Variants in STRN3 observed in about 807,000 individuals in gnomAD.
STRN3 encodes striatin 3.
A neutral mutation model predicts 95.6 loss-of-function variants in STRN3; 29 were observed. The observed-to-expected ratio is 0.30, with a 90% CI of 0.23 to 0.41. The LOEUF is 0.41. Among genes scored for constraint, STRN3 ranks in the 10% least tolerant of loss-of-function variants. STRN3 has a pLI of 1.00. For missense variants in STRN3, 890 were observed against 972.1 expected, an observed-to-expected ratio of 0.92 and a Z score of 1.12; for synonymous variants, 331 against 357.6, an observed-to-expected ratio of 0.93 and a Z score of 0.84.
At chr14:30,902,905 G>A (rs1896363173) in intron 15 of STRN3, among the ~76,000 whole-genome samples, 2 of 152,030 alleles carry the variant, frequency 1.3e-5, no homozygotes, top group African/African-American at 2.4e-5. Flanking sequence ...TTTATTATAG[G>A]TAGTTTAGAA....
chr14:30,900,311 A>T (rs1380157394), intron 16 of STRN3, among the ~76,000 whole-genome samples: 1 of 149,620 alleles, frequency 6.7e-6, no homozygotes, highest in Non-Finnish European at 1.5e-5. Context: ...GTGAGCCGTG[A>T]TCGTGCCACT....
In STRN3 at chr14:30,936,548, T is replaced by C. The variant is rs148888199; in HGVS notation, c.793A>G (p.Met265Val). 302 of 1,613,836 alleles carry C rather than the reference T, an allele frequency of 1.9e-4. No homozygotes were observed. The highest frequency in any genetic ancestry group is 2.5e-4 in the Non-Finnish European group (293 of 1,179,918). ...TTTCCTTCTGGGATGCCTTCGATCA[T>C]GTCATTTTCCTCATCTTCATCACTG... The part of the protein sequence containing the change: ...DDSDEDEEND[M>V]IEGIPEGKDK... Residue 265 changes from methionine (M) to valine (V), a missense_variant, in exon 6 of 18, where the codon ATG becomes GTG. This residue lies in a region of STRN3 where 526 missense variants were observed against 526.3 expected (regional missense o/e 1.00). Transcript: ENST00000357479.
At chr14:31,025,540 A>C in intron 1 of STRN3, 1 of 281,976 alleles carries the variant, frequency 3.5e-6, no homozygotes, top group Non-Finnish European at 6.9e-6. Flanking sequence ...AACAAGAGCA[A>C]ACTCAGTGTT....
chr14:30,937,701 A>C (rs753944957), intron 5 of STRN3, among the ~76,000 whole-genome samples: 1 of 152,196 alleles, frequency 6.6e-6, no homozygotes, highest in Non-Finnish European at 1.5e-5. Flanking sequence ...CAAACCATTT[A>C]AATCTTTTGG....
At chr14:30,896,484 C>T (rs1176400399) in intron 16 of STRN3, among the ~76,000 whole-genome samples, 1 of 150,586 alleles carries the variant, frequency 6.6e-6, no homozygotes, top group African/African-American at 2.5e-5. Flanking sequence ...CTCTAGCTAG[C>T]CTGGGCAACA....
At chr14:30,969,036 G>A (rs1880691366) in intron 1 of STRN3, among the ~76,000 whole-genome samples, 1 of 152,186 alleles carries the variant, frequency 6.6e-6, no homozygotes, top group South Asian at 2.1e-4. Context: ...ATTAGCCAAA[G>A]AGGTATCATC....
intron 1 of STRN3, 79 bp from the exon 2 acceptor site, chr14:30,956,321 A>C (rs1879901820): frequency 2.3e-6 from 3 of 1,330,846 alleles, no homozygotes; most frequent in South Asian, 1.2e-5. Context: ...AACGATAAAC[A>C]CAAACTGTTG....
intron 1 of STRN3, among the ~76,000 whole-genome samples, chr14:31,002,023 G>A (rs983352209): frequency 6.6e-6 from 1 of 151,868 alleles, no homozygotes; most frequent in African/African-American, 2.4e-5. Context: ...AAAATCAGCC[G>A]GGCATGGTGG....
intron 1 of STRN3, among the ~76,000 whole-genome samples, chr14:30,959,358 C>T (rs1253064630): frequency 6.6e-6 from 1 of 152,002 alleles, no homozygotes; most frequent in Non-Finnish European, 1.5e-5. Context: ...ACACCACCAC[C>T]ACCAACATAT....
rs140913714 is a variant in STRN3 at position 30,945,390 on chromosome 14, G to T, written c.716+1700C>A. On this transcript the variant is annotated intron_variant, in intron 5 of 17. Transcript: ENST00000357479. The stretch of plus-strand genomic sequence containing the variant: ...CCCAGCACTTTGGAAGGCCAATGAG[G>T]GCGGACTGCTTGAGCCCAGGAGTTC... Among the ~76,000 whole-genome samples, 1,283 of 152,238 alleles carry T rather than the reference G, an allele frequency of 8.4e-3. 8 individuals carry two copies. The highest frequency in any genetic ancestry group is 0.013 in the Non-Finnish European group (864 of 68,006).
intron 1 of STRN3, among the ~76,000 whole-genome samples, chr14:30,961,571 C>T (rs1880208570): frequency 6.6e-6 from 1 of 152,178 alleles, no homozygotes; most frequent in Non-Finnish European, 1.5e-5. Context: ...TACAGAAGTA[C>T]AATACATATA....
At chr14:30,990,397 T>C (rs908417965) in intron 1 of STRN3, among the ~76,000 whole-genome samples, 3 of 151,920 alleles carry the variant, frequency 2.0e-5, no homozygotes, top group East Asian at 1.9e-4. Flanking sequence ...CTCGATCTCC[T>C]GATCTCATGA....
rs1374593800 is a variant in STRN3 at position 30,921,065 on chromosome 14, T to TACAC, written c.1100-1960_1100-1959insGTGT. Among the ~76,000 whole-genome samples, 686 of 89,198 alleles carry TACAC rather than the reference T, an allele frequency of 7.7e-3. 5 individuals are homozygous for TACAC. The highest frequency in any genetic ancestry group is 0.047 in the South Asian group (121 of 2,592). 58.5% of individuals were successfully genotyped at this position (89,198 alleles called of 152,430 possible). A position where few individuals can be genotyped will look rare whatever the true frequency, so the allele number is the denominator to read the frequency against. On this transcript the variant is annotated intron_variant, in intron 8 of 17. Coordinates refer to ENST00000357479, the MANE Select transcript of STRN3 (RefSeq NM_001083893.2). ...GAAAGGTGAGAAGGCTTTCTACACA[T>TACAC]ACATATACACACACACACACACACA...
intron 1 of STRN3, among the ~76,000 whole-genome samples, chr14:30,958,289 C>A (rs892091362): frequency 6.6e-6 from 1 of 151,826 alleles, no homozygotes; most frequent in Non-Finnish European, 1.5e-5. Flanking sequence ...CCAGCCTGGG[C>A]GACAAGCAAG....
At chr14:31,001,907 T>C (rs532076906) in intron 1 of STRN3, among the ~76,000 whole-genome samples, 38 of 152,068 alleles carry the variant, frequency 2.5e-4, no homozygotes, top group African/African-American at 8.7e-4. Context: ...GGCTCATGCC[T>C]GTAATCCCAG....
intron 7 of STRN3, among the ~76,000 whole-genome samples, chr14:30,931,786 G>C (rs569708384): frequency 6.6e-6 from 1 of 152,176 alleles, no homozygotes; most frequent in Non-Finnish European, 1.5e-5. Context: ...TGAAAACAGC[G>C]TTAGAAAGCT....
chr14:30,910,947 T>C, intron 13 of STRN3, 94 bp downstream of exon 13: 1 of 1,398,358 alleles, frequency 7.2e-7, no homozygotes, highest in Non-Finnish European at 9.7e-7. Flanking sequence ...AGGTGACTAA[T>C]ATAGGTTTAA....
At chr14:30,964,861 G>A (rs1181551107) in intron 1 of STRN3, among the ~76,000 whole-genome samples, 1 of 151,834 alleles carries the variant, frequency 6.6e-6, no homozygotes, top group African/African-American at 2.4e-5. Context: ...GAAGGTTGCA[G>A]TGAGCCGAGA....
Position 31,025,989 on chromosome 14 carries a change from G to A in STRN3, c.197C>T (p.Pro66Leu), listed in dbSNP as rs1382975758. Residue 66 changes from proline (P) to leucine (L), a missense_variant, in exon 1 of 18, where the codon CCG becomes CTG. By Grantham distance (98) the Pro-to-Leu change is moderately conservative. Coordinates refer to ENST00000357479, the MANE Select transcript of STRN3 (RefSeq NM_001083893.2). ...ELSRPQQYTI[P>L]GILHYIQHEW... is the part of the protein sequence containing the mutation. ...GTGCTGGATGTAGTGCAGTATCCCC[G>A]GGATAGTGTACTGCTGCGGCCGGGA... 2 of 1,569,098 alleles carry A rather than the reference G, an allele frequency of 1.3e-6. No individual in the cohort carries two copies. Among genetic ancestry groups the A allele is most frequent in the East Asian group, 2.4e-5 (1 of 41,572 alleles).
Sources: allele counts gnomAD v4.1 joint callset (sites outside exome capture counted in the v4.1 genomes callset), GRCh38; gene constraint gnomAD v4.1.1; regional missense constraint gnomAD v4.1.1; transcripts MANE v1.5; gene names NCBI Gene and HGNC (gene_info 2026-07-23, HGNC 2026-07-21).